SULF1: variants seen among roughly 807,000 people sequenced by gnomAD.
The protein encoded by SULF1 is sulfatase 1, also known as extracellular sulfatase Sulf-1.
SULF1 carries 46 observed loss-of-function variants against 110.5 expected under a neutral mutation model. The ratio of observed to expected loss-of-function variants is 0.42; its 90% CI spans 0.33 to 0.53. The LOEUF is 0.53. SULF1 is among the 20% of genes least tolerant of loss of function. The pLI is 0.12. For missense variants in SULF1, 941 were observed against 1,094.2 expected, an observed-to-expected ratio of 0.86 and a Z score of 1.98; for synonymous variants, 371 against 387.1, an observed-to-expected ratio of 0.96 and a Z score of 0.49.
rs138395333 is a variant in SULF1, at chr8:69,629,183, G to A, written c.2109-321G>A. ...CTAGTAGCTGGGACTACAGGTGTGC[G>A]CCACCACATCCAGCTAATTTTTATA... On this transcript the variant is annotated intron_variant, in intron 18 of 22. Transcript: ENST00000402687. Among the ~76,000 whole-genome samples the A allele has an allele frequency of 4.2e-4, 64 of 152,138 alleles. 1 individual carries two copies. Among genetic ancestry groups the A allele is most frequent in the African/African-American group, 1.3e-3 (54 of 41,502 alleles).
intron 13 of SULF1, among the ~76,000 whole-genome samples, chr8:69,616,406 T>C (rs1411995400): frequency 3.3e-5 from 5 of 150,940 alleles, no homozygotes. Context: ...TTGTTTTTTG[T>C]TTGTTTGTTT....
At chr8:69,539,684 T>C (rs935726812) in intron 3 of SULF1, among the ~76,000 whole-genome samples, 1 of 152,118 alleles carries the variant, frequency 6.6e-6, no homozygotes, top group Non-Finnish European at 1.5e-5. Flanking sequence ...TCCTCGAGTC[T>C]CGGGGAGGGA....
chr8:69,638,518 T>C lies in SULF1; in HGVS notation c.2301T>C (p.Ala767=). The C allele has an allele frequency of 6.2e-7, 1 of 1,612,570 alleles. No individual in the cohort carries two copies. Among genetic ancestry groups the C allele is most frequent in the Non-Finnish European group, 8.5e-7 (1 of 1,179,774 alleles). The change falls in exon 20 of 23, where the codon GCT becomes GCC. Residue 767 remains alanine (A), a synonymous_variant. Transcript: ENST00000402687. ...ACCCAACAGTGGGATCTTTCTGTGC[T>C]TGCACGAGTTCTAACAATAACACCT... The part of the protein sequence containing the change: ...APFWNLGSFC[A]CTSSNNNTYW...
chr8:69,645,557 T>C (rs1463557013), intron 22 of SULF1, among the ~76,000 whole-genome samples: 2 of 152,186 alleles, frequency 1.3e-5, no homozygotes, highest in African/African-American at 4.8e-5. Flanking sequence ...ACCAGAAATA[T>C]ATGGCGTCAT....
intron 1 of SULF1, among the ~76,000 whole-genome samples, chr8:69,475,558 T>TATCA (rs1397645875): frequency 6.6e-6 from 1 of 152,026 alleles, no homozygotes; most frequent in Admixed American, 6.6e-5. Flanking sequence ...AATACTGAGG[T>TATCA]ATCAAGCCCA....
intron 3 of SULF1, among the ~76,000 whole-genome samples, chr8:69,509,171 G>A (rs1041749333): frequency 6.6e-6 from 1 of 152,046 alleles, no homozygotes; most frequent in African/African-American, 2.4e-5. Context: ...ATATTTAAAG[G>A]ATAAGGCATT....
chr8:69,592,130 G>C (rs577547759), intron 8 of SULF1, among the ~76,000 whole-genome samples: 1 of 152,090 alleles, frequency 6.6e-6, no homozygotes, highest in Non-Finnish European at 1.5e-5. Context: ...TCAAAAGATG[G>C]GTAAAATTTC....
chr8:69,581,568 G>A (rs1167017988), intron 6 of SULF1, among the ~76,000 whole-genome samples: 2 of 152,194 alleles, frequency 1.3e-5, no homozygotes, highest in Non-Finnish European at 2.9e-5. Context: ...TGGCACATTA[G>A]TGATGTATTC....
chr8:69,507,045 C>T (rs6991110), intron 3 of SULF1, among the ~76,000 whole-genome samples: 3,132 of 152,268 alleles, frequency 0.021, 109 homozygotes, highest in African/African-American at 0.07. Flanking sequence ...TCAAGAAGTG[C>T]AGAATCATTC....
Position 69,659,485 on chromosome 8 carries a change from A to T in SULF1, c.*950A>T. The T allele has an allele frequency of 3.7e-6, 1 of 268,744 alleles. No homozygotes were observed. Among genetic ancestry groups the T allele is most frequent in the South Asian group, 4.1e-5 (1 of 24,394 alleles). 16.6% of individuals were successfully genotyped at this position (268,744 alleles called of 1,614,324 possible). On this transcript the variant is annotated 3_prime_UTR_variant, in exon 23 of 23. Transcript: ENST00000402687. The stretch of plus-strand genomic sequence containing the variant: ...GCAAGCGGTGTGCACACGGAGACTC[A>T]TCGTTATAATTTACTATCTGCCAAG...
chr8:69,530,355 C>G (rs1372763650), intron 3 of SULF1, among the ~76,000 whole-genome samples: 1 of 152,084 alleles, frequency 6.6e-6, no homozygotes, highest in African/African-American at 2.4e-5. Context: ...ATGGATAGAG[C>G]CATTGTCTAT....
intron 1 of SULF1, among the ~76,000 whole-genome samples, chr8:69,477,982 A>C (rs1167768773): frequency 1.3e-5 from 2 of 152,096 alleles, no homozygotes; most frequent in East Asian, 3.9e-4. Context: ...TCAGCCTCCC[A>C]AGTAGCTGGG....
rs1812929142 is a variant in SULF1, at chr8:69,658,963, A to G, written c.*428A>G. The G allele has an allele frequency of 4.4e-6, 2 of 458,628 alleles. No homozygotes were observed. 28.4% of individuals were successfully genotyped at this position (458,628 alleles called of 1,614,324 possible). A position where few individuals can be genotyped will look rare whatever the true frequency, so the allele number is the denominator to read the frequency against. ...TAATCATTTGAATTCTGAACACTGGAGAAAAACCGAAAAATGGACGGGGCA... is the reference window on the plus strand; with the variant it reads ...TAATCATTTGAATTCTGAACACTGGGGAAAAACCGAAAAATGGACGGGGCA... On this transcript the variant is annotated 3_prime_UTR_variant, in exon 23 of 23. Transcript: ENST00000402687.
intron 3 of SULF1, among the ~76,000 whole-genome samples, chr8:69,542,382 T>C (rs191277008): frequency 6.6e-6 from 1 of 151,994 alleles, no homozygotes; most frequent in Non-Finnish European, 1.5e-5. Context: ...TGAAGGAAAC[T>C]GCTTTGCATC....
chr8:69,586,230 G>T, intron 6 of SULF1, 127 bp from the exon 7 acceptor site: 3 of 841,378 alleles, frequency 3.6e-6, no homozygotes, highest in Middle Eastern at 3.3e-4. Flanking sequence ...TGTCATTTTG[G>T]CATTCACTAT....
At chr8:69,528,015 A>G (rs1812817538) in intron 3 of SULF1, among the ~76,000 whole-genome samples, 1 of 152,150 alleles carries the variant, frequency 6.6e-6, no homozygotes, top group Non-Finnish European at 1.5e-5. Flanking sequence ...TAGGTTAAAA[A>G]TGTGCTATAT....
Position 69,638,802 on chromosome 8 carries a change from T to C in SULF1, c.2495T>C (p.Leu832Pro), listed in dbSNP as rs1422255726. 6.2e-7 allele frequency: 1 copy of C among 1,614,086 alleles called. No homozygotes were observed. The stretch of plus-strand genomic sequence containing the variant: ...CAGCTACACGTACAACTAATGGAGC[T>C]CAGAAGCTGTCAAGGATATAAGCAG... ...LNQLHVQLME[L>P]RSCQGYKQCN... Residue 832 changes from leucine (L) to proline (P), a missense_variant, in exon 21 of 23, where the codon CTC becomes CCC. By Grantham distance (98) the Leu-to-Pro change is moderately conservative. Coordinates refer to ENST00000402687, the MANE Select transcript of SULF1 (RefSeq NM_001128205.2).
chr8:69,537,275 C>A (rs928901968), intron 3 of SULF1, among the ~76,000 whole-genome samples: 1 of 152,102 alleles, frequency 6.6e-6, no homozygotes, highest in Admixed American at 6.5e-5. Context: ...CACAGTAGGG[C>A]CTCTTAGAGG....
intron 3 of SULF1, among the ~76,000 whole-genome samples, chr8:69,522,806 T>C (rs992640826): frequency 1.4e-4 from 22 of 152,154 alleles, no homozygotes; most frequent in Non-Finnish European, 1.2e-4. Context: ...GATTGAAAAC[T>C]GATCATTGGA....
Sources: gnomAD v4.1 joint callset for allele counts (sites outside exome capture counted in the v4.1 genomes callset) on GRCh38, gnomAD v4.1.1 for gene constraint, MANE v1.5 for transcripts, NCBI Gene and HGNC (gene_info 2026-07-23, HGNC 2026-07-21) for gene names.